TLCD5: variants seen among roughly 807,000 people sequenced by gnomAD.
TLCD5 encodes the protein TLC domain-containing protein 5.
A neutral mutation model predicts 20.5 loss-of-function variants in TLCD5; 15 were observed. The ratio of observed to expected loss-of-function variants is 0.73; its 90% CI spans 0.49 to 1.13. TLCD5 has a LOEUF of 1.13. Among genes scored for constraint, TLCD5 ranks in the 50% most tolerant of loss-of-function variants. The pLI is 0.00. For missense variants in TLCD5, 289 were observed against 305.6 expected (o/e 0.95, Z 0.41); for synonymous variants, 107 against 114.7 (o/e 0.93, Z 0.43).
chr11:120,327,506 C>A lies in TLCD5; in HGVS notation c.65C>A (p.Ser22Tyr), dbSNP rs763869963. Residue 22 changes from serine to tyrosine, a missense_variant, in exon 2 of 3, where the codon TCT becomes TAT. Coordinates refer to ENST00000375095, the MANE Select transcript of TLCD5 (RefSeq NM_001198671.2). Reference sequence around the variant, plus strand: ...TGTGGCTGGCTCTCGCTCTATATTTCTTTCTGCCACCTGAATAAGCACCGA... The same window carrying A: ...TGTGGCTGGCTCTCGCTCTATATTTATTTCTGCCACCTGAATAAGCACCGA... ...SLCGWLSLYI[S>Y]FCHLNKHRSY... The A allele has an allele frequency of 7.2e-5, 116 of 1,614,068 alleles. No homozygotes were observed. Among genetic ancestry groups the A allele is most frequent in the South Asian group, 2.5e-4 (23 of 91,086 alleles).
At chr11:120,326,579 A>T (rs957076032) in intron 1 of TLCD5, among the ~76,000 whole-genome samples, 1 of 152,236 alleles carries the variant, frequency 6.6e-6, no homozygotes, top group Non-Finnish European at 1.5e-5. Flanking sequence ...ATACTAACTA[A>T]TAACAACATC....
At chr11:120,327,914 C>T (rs1456878351) in intron 2 of TLCD5, among the ~76,000 whole-genome samples, 1 of 152,152 alleles carries the variant, frequency 6.6e-6, no homozygotes, top group Non-Finnish European at 1.5e-5. Flanking sequence ...ACATCTTCCA[C>T]TACCACCCCC....
At chr11:120,325,530 A>G (rs1291438074) in intron 1 of TLCD5, among the ~76,000 whole-genome samples, 162 bp downstream of exon 1, 1 of 151,944 alleles carries the variant, frequency 6.6e-6, no homozygotes, top group Non-Finnish European at 1.5e-5. Flanking sequence ...CTGCGGCGCC[A>G]GCGGGATGCG....
chr11:120,326,863 C>G (rs551163619), intron 1 of TLCD5, among the ~76,000 whole-genome samples: 1 of 152,334 alleles, frequency 6.6e-6, no homozygotes, highest in South Asian at 2.1e-4. Flanking sequence ...TCCAAGATGT[C>G]TGGACTCTTT....
rs562978286 is a variant in TLCD5, at chr11:120,328,173, A to G, written c.199+533A>G. ...TCAATCTCAGCAAGCTCCGCCTCCC[A>G]GGATCACGCCATTCTCCTGCCTCAG... On this transcript the variant is annotated intron_variant, in intron 2 of 2. Transcript: ENST00000375095. 1.7e-3 allele frequency among the ~76,000 whole-genome samples: 258 copies of G among 151,688 alleles called. 1 individual carries two copies. Among genetic ancestry groups the G allele is most frequent in the African/African-American group, 6.0e-3 (247 of 41,318 alleles).
intron 1 of TLCD5, among the ~76,000 whole-genome samples, chr11:120,325,759 C>A (rs1000866460): frequency 7.2e-5 from 11 of 152,240 alleles, no homozygotes; most frequent in Non-Finnish European, 5.9e-5. Context: ...CTTCCAAATG[C>A]CCTTCCGTTC....
intron 1 of TLCD5, among the ~76,000 whole-genome samples, chr11:120,326,381 A>C (rs971292286): frequency 2.0e-5 from 3 of 152,206 alleles, no homozygotes; most frequent in African/African-American, 7.2e-5. Context: ...CTTGACCTTC[A>C]TGAAGCCCTC....
rs116876516 is a variant in TLCD5, at chr11:120,330,852, G to A, written c.*337G>A. ...GTTCAGGCAGTTTAGAAAGGAACTC[G>A]AAAAAGATTAGTGCTATTTCTTGTT... On this transcript the variant is annotated 3_prime_UTR_variant, in exon 3 of 3. Transcript: ENST00000375095. 2.1e-3 allele frequency: 418 copies of A among 200,304 alleles called. 1 individual carries two copies. Among genetic ancestry groups the A allele is most frequent in the Non-Finnish European group, 2.9e-3 (289 of 99,636 alleles). The allele number at this position is 200,304 out of a possible 1,614,324, so 12.4% of individuals were successfully genotyped here.
rs1054777240 is a variant in TLCD5, at chr11:120,331,061, A to G, written c.*546A>G. The G allele has an allele frequency of 3.3e-5, 5 of 152,216 alleles. No homozygotes were observed. The highest frequency in any genetic ancestry group is 1.2e-4 in the African/African-American group (5 of 41,372). The allele number at this position is 152,216 out of a possible 1,614,324, so 9.4% of individuals were successfully genotyped here. A position where few individuals can be genotyped will look rare whatever the true frequency, so the allele number is the denominator to read the frequency against. On this transcript the variant is annotated 3_prime_UTR_variant, in exon 3 of 3. Coordinates refer to ENST00000375095, the MANE Select transcript of TLCD5 (RefSeq NM_001198671.2). This position sits in a 1 kb window ranked among gnomAD's most constrained non-coding sequence, Gnocchi z 4.5. ...AGGGGCATAGGAGGGTGAGAGTGAA[A>G]CTGGCAGTGAGGGGGAGGGCTACTT...
At chr11:120,329,704 TGA>T (rs1942105212) in intron 2 of TLCD5, among the ~76,000 whole-genome samples, 1 of 152,186 alleles carries the variant, frequency 6.6e-6, no homozygotes, top group South Asian at 2.1e-4. Flanking sequence ...GAGAGGATAC[TGA>T]GATTATTGCC....
chr11:120,330,824 G>A lies in TLCD5; in HGVS notation c.*309G>A, dbSNP rs1246364506. On this transcript the variant is annotated 3_prime_UTR_variant, in exon 3 of 3. Coordinates refer to ENST00000375095, the MANE Select transcript of TLCD5 (RefSeq NM_001198671.2). Reference sequence around the variant, plus strand: ...GGGTCCTCCTGTCCCTGGGAGGTTTGATGTTCAGGCAGTTTAGAAAGGAAC... The same window carrying A: ...GGGTCCTCCTGTCCCTGGGAGGTTTAATGTTCAGGCAGTTTAGAAAGGAAC... 4.1e-6 allele frequency: 1 copy of A among 246,780 alleles called. No individual in the cohort carries two copies. Among genetic ancestry groups the A allele is most frequent in the Non-Finnish European group, 7.7e-6 (1 of 129,396 alleles). The allele number at this position is 246,780 out of a possible 1,614,324, so 15.3% of individuals were successfully genotyped here.
rs1591461500 is a variant in TLCD5, at chr11:120,330,282, A to C, written c.505A>C (p.Thr169Pro). Reference protein sequence around the residue: ...VVDFLFVALFTGVRIGVGACL... With the variant: ...VVDFLFVALFPGVRIGVGACL... ...GGACTTCCTCTTTGTGGCTCTGTTCACAGGAGTGAGGATTGGTGTGGGAGC... is the reference window on the plus strand; with the variant it reads ...GGACTTCCTCTTTGTGGCTCTGTTCCCAGGAGTGAGGATTGGTGTGGGAGC... The change falls in exon 3 of 3, where the codon ACA becomes CCA. Residue 169 changes from threonine to proline, a missense_variant. Thr to Pro is a conservative substitution (Grantham distance 38). Coordinates refer to ENST00000375095, the MANE Select transcript of TLCD5 (RefSeq NM_001198671.2). 2 of 1,559,620 alleles carry C rather than the reference A, an allele frequency of 1.3e-6. No individual in the cohort carries two copies. Among genetic ancestry groups the C allele is most frequent in the Non-Finnish European group, 1.7e-6 (2 of 1,151,868 alleles).
At position 120,330,233 on chromosome 11, in the gene TLCD5, TCA is replaced by T; in HGVS notation, c.459_460del (p.His153GlnfsTer30). The T allele has an allele frequency of 6.4e-7, 1 of 1,553,450 alleles. No individual in the cohort carries two copies. Among genetic ancestry groups the T allele is most frequent in the South Asian group, 1.2e-5 (1 of 85,184 alleles). On this transcript the variant is annotated frameshift_variant, in exon 3 of 3. Coordinates refer to ENST00000375095, the MANE Select transcript of TLCD5 (RefSeq NM_001198671.2). LOFTEE classifies it high-confidence loss of function. ...GGTTTCTCCGGGAAACAGGGCACTA[TCA>T]CAGTTTCACTGGAGATGTAGTGGAC... ...RWFLRETGHYHSFTGDVVDFL... is the reference protein window; with the variant it reads ...RWFLRETGHYXSFTGDVVDFL...
rs77465188 is a variant in TLCD5 at position 120,330,866 on chromosome 11, C to A, written c.*351C>A. 27 of 185,148 alleles carry A rather than the reference C, an allele frequency of 1.5e-4. No homozygotes were observed. Among genetic ancestry groups the A allele is most frequent in the Non-Finnish European group, 2.7e-4 (24 of 89,990 alleles). The allele number at this position is 185,148 out of a possible 1,614,324, so 11.5% of individuals were successfully genotyped here. On this transcript the variant is annotated 3_prime_UTR_variant, in exon 3 of 3. Transcript: ENST00000375095. The stretch of plus-strand genomic sequence containing the variant: ...GAAAGGAACTCGAAAAAGATTAGTG[C>A]TATTTCTTGTTCCTTTGAGAAGTAA...
chr11:120,330,435 A>G lies in TLCD5; in HGVS notation c.658A>G (p.Ile220Val), dbSNP rs1285601851. Residue 220 changes from isoleucine to valine, a missense_variant, in exon 3 of 3, where the codon ATC becomes GTC. Transcript: ENST00000375095. The stretch of plus-strand genomic sequence containing the variant: ...CTGGCGCTTTGCATGGAGGAAGAGC[A>G]TCAAGAAGTACCATGCTTGGAGAAG... ...SIWRFAWRKSIKKYHAWRSRR... is the reference protein window; with the variant it reads ...SIWRFAWRKSVKKYHAWRSRR... The G allele has an allele frequency of 3.7e-6, 6 of 1,614,072 alleles. 1 individual carries two copies. Among genetic ancestry groups the G allele is most frequent in the South Asian group, 2.2e-5 (2 of 91,086 alleles).
intron 1 of TLCD5, among the ~76,000 whole-genome samples, chr11:120,325,765 C>G (rs1941984322): frequency 1.3e-5 from 2 of 152,206 alleles, no homozygotes; most frequent in Non-Finnish European, 2.9e-5. Context: ...AATGCCCTTC[C>G]GTTCTTTGGC....
rs1942132928 is a variant in TLCD5 at position 120,330,618 on chromosome 11, A to G, written c.*103A>G. 3 of 1,317,866 alleles carry G rather than the reference A, an allele frequency of 2.3e-6. No homozygotes were observed. The highest frequency in any genetic ancestry group is 3.1e-6 in the Non-Finnish European group (3 of 981,880). 81.6% of individuals were successfully genotyped at this position (1,317,866 alleles called of 1,614,324 possible). The stretch of plus-strand genomic sequence containing the variant: ...ACACTTATAACAAACTTAGGTTTCA[A>G]TAAAGGGCTAAATGTATTGATCAAT... On this transcript the variant is annotated 3_prime_UTR_variant, in exon 3 of 3. Coordinates refer to ENST00000375095, the MANE Select transcript of TLCD5 (RefSeq NM_001198671.2).
chr11:120,332,372 T>C lies in TLCD5; in HGVS notation c.*1857T>C, dbSNP rs911992314. ...GAAGTATTTATGTATTTATTGATTA[T>C]TTATTTTTACCATGTTATTGAAGTC... On this transcript the variant is annotated 3_prime_UTR_variant, in exon 3 of 3. Coordinates refer to ENST00000375095, the MANE Select transcript of TLCD5 (RefSeq NM_001198671.2). The surrounding 1 kb of genome is among the most constrained non-coding windows in gnomAD (Gnocchi z 4.2). The C allele has an allele frequency of 6.6e-6, 1 of 152,200 alleles. No homozygotes were observed. Among genetic ancestry groups the C allele is most frequent in the African/African-American group, 2.4e-5 (1 of 41,460 alleles). 9.4% of individuals were successfully genotyped at this position (152,200 alleles called of 1,614,324 possible).
At position 120,333,256 on chromosome 11, in the gene TLCD5, C is replaced by A. The variant is rs1335132137; in HGVS notation, c.*2741C>A. 6.6e-6 allele frequency: 1 copy of A among 152,128 alleles called. No homozygotes were observed. The highest frequency in any genetic ancestry group is 1.5e-5 in the Non-Finnish European group (1 of 68,030). The allele number at this position is 152,128 out of a possible 1,614,324, so 9.4% of individuals were successfully genotyped here. ...ACCTGTTCCATACCAGACAAATGAACAGGCTTAATCTGGTACCAATTCTTT... is the reference window on the plus strand; with the variant it reads ...ACCTGTTCCATACCAGACAAATGAAAAGGCTTAATCTGGTACCAATTCTTT... On this transcript the variant is annotated 3_prime_UTR_variant, in exon 3 of 3. Coordinates refer to ENST00000375095, the MANE Select transcript of TLCD5 (RefSeq NM_001198671.2). The surrounding 1 kb of genome is among the most constrained non-coding windows in gnomAD (Gnocchi z 4.5).
Sources: gnomAD v4.1 joint callset for allele counts (sites outside exome capture counted in the v4.1 genomes callset) on GRCh38, gnomAD v4.1.1 for gene constraint, Gnocchi (gnomAD v3.1) non-coding constraint, MANE v1.5 for transcripts, NCBI Gene and HGNC (gene_info 2026-07-23, HGNC 2026-07-21) for gene names.